The following PPP2R5A variants were observed in gnomAD, a reference collection of about 807,000 sequenced individuals.
PPP2R5A encodes the protein serine/threonine-protein phosphatase 2A 56 kDa regulatory subunit alpha isoform.
PPP2R5A carries 25 observed loss-of-function variants against 64.2 expected under a neutral mutation model. That is an observed-to-expected ratio of 0.39 (90% CI 0.28 to 0.54). PPP2R5A has a LOEUF of 0.54. PPP2R5A is among the 20% of genes least tolerant of loss of function. The pLI is 0.67. For missense variants in PPP2R5A, 425 were observed against 576.3 expected (o/e 0.74, Z 2.69); for synonymous variants, 198 against 201.2 (o/e 0.98, Z 0.13).
At chr1:212,316,367 G>C (rs1659152904) in intron 1 of PPP2R5A, among the ~76,000 whole-genome samples, 1 of 152,096 alleles carries the variant, frequency 6.6e-6, no homozygotes, top group African/African-American at 2.4e-5. Flanking sequence ...AAGTTTGAGT[G>C]GTCTGAATAG....
chr1:212,333,051 G>A (rs925714077), intron 2 of PPP2R5A, among the ~76,000 whole-genome samples: 2 of 151,740 alleles, frequency 1.3e-5, no homozygotes, highest in African/African-American at 4.8e-5. Flanking sequence ...ACAAGTGTGC[G>A]CCACCATGCC....
At chr1:212,358,834 G>A (rs759109537) in intron 12 of PPP2R5A, 47 bp downstream of exon 12, 27 of 1,469,624 alleles carry the variant, frequency 1.8e-5, no homozygotes, top group Middle Eastern at 1.7e-4. Context: ...TTTTATGTTA[G>A]TTGAATGTGA....
intron 1 of PPP2R5A, among the ~76,000 whole-genome samples, chr1:212,307,172 T>C (rs1658931561): frequency 1.3e-5 from 2 of 152,212 alleles, no homozygotes; most frequent in Admixed American, 6.5e-5. Context: ...TTGTATTCTT[T>C]TTCTGTTTTC....
chr1:212,323,035 C>T (rs970394821), intron 1 of PPP2R5A, among the ~76,000 whole-genome samples: 5 of 152,234 alleles, frequency 3.3e-5, no homozygotes, highest in African/African-American at 1.2e-4. Context: ...ATCTGCCCGC[C>T]TCAGCCTCCC....
rs574268729 is a variant in PPP2R5A, at chr1:212,340,109, C to T, written c.481-2079C>T. Reference sequence around the variant, plus strand: ...GGGAGTTCGAGACCAGCCTGGGCAACGTGGTGAAACTCTGTCTCTAAAAAT... The same window carrying T: ...GGGAGTTCGAGACCAGCCTGGGCAATGTGGTGAAACTCTGTCTCTAAAAAT... On this transcript the variant is annotated intron_variant, in intron 3 of 12. Coordinates refer to ENST00000261461, the MANE Select transcript of PPP2R5A (RefSeq NM_006243.4). Among the ~76,000 whole-genome samples, 211 of 150,144 alleles carry T rather than the reference C, an allele frequency of 1.4e-3. 1 individual carries two copies. Among genetic ancestry groups the T allele is most frequent in the African/African-American group, 5.0e-3 (204 of 40,744 alleles).
intron 1 of PPP2R5A, among the ~76,000 whole-genome samples, chr1:212,301,062 A>G (rs1320693022): frequency 6.6e-6 from 1 of 152,100 alleles, no homozygotes; most frequent in Non-Finnish European, 1.5e-5. Context: ...CACCCAGGCT[A>G]GAGTGCAGTG....
intron 1 of PPP2R5A, among the ~76,000 whole-genome samples, chr1:212,302,634 A>G (rs1281628590): frequency 2.6e-5 from 4 of 152,232 alleles, no homozygotes; most frequent in Admixed American, 6.5e-5. Flanking sequence ...CATTTAAAGT[A>G]TACAATTCCA....
intron 1 of PPP2R5A, among the ~76,000 whole-genome samples, chr1:212,321,648 C>G (rs1659296956): frequency 7.2e-6 from 1 of 138,768 alleles, no homozygotes; most frequent in Non-Finnish European, 1.5e-5. Flanking sequence ...GGCAGAGATG[C>G]TCCTCACTTC....
intron 1 of PPP2R5A, among the ~76,000 whole-genome samples, chr1:212,308,122 G>A (rs922389766): frequency 3.9e-5 from 6 of 152,146 alleles, no homozygotes; most frequent in East Asian, 1.9e-4. Context: ...TTGAAAGATC[G>A]TTTTATTGGA....
intron 1 of PPP2R5A, among the ~76,000 whole-genome samples, chr1:212,309,943 G>T (rs1038855168): frequency 6.6e-6 from 1 of 152,162 alleles, no homozygotes; most frequent in African/African-American, 2.4e-5. Context: ...GCAACTCTTG[G>T]TACCAACCTT....
chr1:212,306,831 C>CA (rs1300734673), intron 1 of PPP2R5A: 1 of 152,108 alleles, frequency 6.6e-6, no homozygotes, highest in African/African-American at 2.4e-5. Flanking sequence ...GATCTCCACT[C>CA]ACTGCAACCT....
Position 212,329,601 on chromosome 1 carries a change from T to C in PPP2R5A, c.378+270T>C, listed in dbSNP as rs1017438504. Among the ~76,000 whole-genome samples, 6 of 152,148 alleles carry C rather than the reference T, an allele frequency of 3.9e-5. 1 individual carries two copies. The highest frequency in any genetic ancestry group is 2.4e-5 in the African/African-American group (1 of 41,444). ...TTAGGCCTGGGATTATACAGATTGA[T>C]AGGTAATTAATGTCATGGAGGTGAA... On this transcript the variant is annotated intron_variant, in intron 2 of 12. Transcript: ENST00000261461.
intron 2 of PPP2R5A, among the ~76,000 whole-genome samples, chr1:212,333,156 G>A (rs1659535221): frequency 6.6e-6 from 1 of 152,048 alleles, no homozygotes; most frequent in South Asian, 2.1e-4. Context: ...GCCCCCCTCG[G>A]CCTCCCAAAG....
At chr1:212,303,450 G>A (rs1006581952) in intron 1 of PPP2R5A, among the ~76,000 whole-genome samples, 1 of 151,528 alleles carries the variant, frequency 6.6e-6, no homozygotes, top group African/African-American at 2.4e-5. Flanking sequence ...TCTTTTTATC[G>A]AGTTGTAAGA....
intron 4 of PPP2R5A, among the ~76,000 whole-genome samples, chr1:212,344,339 C>T (rs1056288401): frequency 2.6e-5 from 4 of 152,222 alleles, no homozygotes; most frequent in South Asian, 2.1e-4. Context: ...TCTCATACTC[C>T]GTAGATATTT....
At chr1:212,320,098 C>A (rs562492332) in intron 1 of PPP2R5A, among the ~76,000 whole-genome samples, 1 of 151,590 alleles carries the variant, frequency 6.6e-6, no homozygotes, top group Non-Finnish European at 1.5e-5. Context: ...TGCGGCCTTC[C>A]GCAGTGTTTG....
chr1:212,329,692 G>GCT (rs1487798173), intron 2 of PPP2R5A, among the ~76,000 whole-genome samples: 1 of 152,134 alleles, frequency 6.6e-6, no homozygotes, highest in East Asian at 1.9e-4. Context: ...TGTAGCCCAG[G>GCT]CTGGAGTGCA....
At chr1:212,328,062 G>A (rs1403632020) in intron 1 of PPP2R5A, among the ~76,000 whole-genome samples, 14 of 152,312 alleles carry the variant, frequency 9.2e-5, no homozygotes, top group African/African-American at 2.9e-4. Context: ...TGATCTGCCC[G>A]CCTTGGCCTC....
Position 212,356,774 on chromosome 1 carries a change from A to G in PPP2R5A, c.978+98A>G, listed in dbSNP as rs1032051917. On this transcript the variant is annotated intron_variant, in intron 9 of 12. Coordinates refer to ENST00000261461, the MANE Select transcript of PPP2R5A (RefSeq NM_006243.4). Reference sequence around the variant, plus strand: ...TTGGGCTGGCTGTATTGCTGTTGCTAAAGAGCGGGAGATGTACACAGACTT... The same window carrying G: ...TTGGGCTGGCTGTATTGCTGTTGCTGAAGAGCGGGAGATGTACACAGACTT... The G allele has an allele frequency of 1.4e-5, 20 of 1,390,652 alleles. No individual in the cohort carries two copies. The African/African-American group carries it at 1.9e-4, about 13-fold the overall frequency. The allele number at this position is 1,390,652 out of a possible 1,614,324, so 86.1% of individuals were successfully genotyped here.
Sources: allele counts gnomAD v4.1 joint callset (sites outside exome capture counted in the v4.1 genomes callset), GRCh38; gene constraint gnomAD v4.1.1; transcripts MANE v1.5; gene names NCBI Gene and HGNC (gene_info 2026-07-23, HGNC 2026-07-21).